Variants in DACH1 observed in about 807,000 individuals in gnomAD.
The protein encoded by DACH1 is dachshund homolog 1.
In DACH1, 12 loss-of-function variants were observed where a neutral mutation model predicts 54.2. That is an observed-to-expected ratio of 0.22 (90% CI 0.14 to 0.36). The LOEUF is 0.36. Among genes scored for constraint, DACH1 ranks in the 10% least tolerant of loss-of-function variants. The pLI is 1.00. For missense variants in DACH1, 805 were observed against 929.8 expected, an observed-to-expected ratio of 0.87 and a Z score of 1.75; for synonymous variants, 386 against 366.2, an observed-to-expected ratio of 1.05 and a Z score of -0.62.
At chr13:71,838,648 T>G in intron 1 of DACH1, among the ~76,000 whole-genome samples, 1 of 152,154 alleles carries the variant, frequency 6.6e-6, no homozygotes, top group East Asian at 1.9e-4. Context: ...TTTGAAGCAA[T>G]TTTAGTTTGT....
intron 6 of DACH1, among the ~76,000 whole-genome samples, chr13:71,525,656 A>T (rs1254195621): frequency 1.3e-5 from 2 of 152,090 alleles, no homozygotes; most frequent in African/African-American, 4.8e-5. Flanking sequence ...TTCTTTAAGT[A>T]TTTGTCAGGC....
intron 1 of DACH1, among the ~76,000 whole-genome samples, chr13:71,787,392 C>T (rs899920414): frequency 1.3e-5 from 2 of 152,154 alleles, no homozygotes; most frequent in Admixed American, 1.3e-4. Context: ...GGTAATCTTA[C>T]TTTATTAGAG....
chr13:71,634,756 A>G (rs1021291567), intron 2 of DACH1, among the ~76,000 whole-genome samples: 2 of 152,118 alleles, frequency 1.3e-5, no homozygotes, highest in African/African-American at 2.4e-5. Flanking sequence ...TGCCATCCCT[A>G]GCTGTGCATC....
chr13:71,479,320 T>C lies in DACH1; in HGVS notation c.1723-4A>G. 2 of 1,603,160 alleles carry C rather than the reference T, an allele frequency of 1.2e-6. No homozygotes were observed. On this transcript the variant is annotated splice_region_variant and splice_polypyrimidine_tract_variant and intron_variant, in intron 7 of 10. Transcript: ENST00000613252. ...CTATGGCAACTTTCAACAGCCCCTG[T>C]ACAAAGAAGATATTCGGAATGGTAA...
chr13:71,795,507 C>A (rs61956371), intron 1 of DACH1, among the ~76,000 whole-genome samples: 23,501 of 152,114 alleles, frequency 0.15, 3,621 homozygotes, highest in East Asian at 0.84. Flanking sequence ...AATCCCACAG[C>A]ATTCTCATTT....
intron 1 of DACH1, among the ~76,000 whole-genome samples, chr13:71,730,541 C>T (rs1265774994): frequency 2.6e-5 from 4 of 152,092 alleles, no homozygotes. Context: ...ATAATGTTGT[C>T]TAATTTTAAT....
At chr13:71,857,451 G>T (rs1874074100) in intron 1 of DACH1, among the ~76,000 whole-genome samples, 1 of 151,148 alleles carries the variant, frequency 6.6e-6, no homozygotes, top group African/African-American at 2.4e-5. Context: ...AGGTGTATAT[G>T]TTATGTTTGC....
chr13:71,633,735 T>C (rs1877274439), intron 2 of DACH1, among the ~76,000 whole-genome samples: 1 of 152,162 alleles, frequency 6.6e-6, no homozygotes, highest in South Asian at 2.1e-4. Flanking sequence ...TTGCTGATTT[T>C]AGTTTCACTA....
intron 6 of DACH1, among the ~76,000 whole-genome samples, chr13:71,554,553 T>C (rs1176057594): frequency 6.6e-6 from 1 of 152,130 alleles, no homozygotes; most frequent in Non-Finnish European, 1.5e-5. Context: ...ATGTGCTTTA[T>C]GAAGGTCAGA....
intron 1 of DACH1, among the ~76,000 whole-genome samples, chr13:71,825,906 C>A (rs563355287): frequency 2.5e-4 from 38 of 152,060 alleles, no homozygotes; most frequent in African/African-American, 8.9e-4. Context: ...TGGGAAGGAG[C>A]CAATACATGG....
intron 3 of DACH1, among the ~76,000 whole-genome samples, chr13:71,611,273 A>G (rs1293749119): frequency 6.6e-6 from 1 of 152,184 alleles, no homozygotes; most frequent in Non-Finnish European, 1.5e-5. Context: ...TTATAATTTT[A>G]GATTTTAAAA....
At chr13:71,699,098 G>A (rs1159399506) in intron 1 of DACH1, among the ~76,000 whole-genome samples, 3 of 152,192 alleles carry the variant, frequency 2.0e-5, no homozygotes, top group Admixed American at 2.0e-4. Context: ...GATTGTAACG[G>A]TAGATTTTAT....
At chr13:71,828,775 T>C (rs1159702933) in intron 1 of DACH1, among the ~76,000 whole-genome samples, 1 of 151,974 alleles carries the variant, frequency 6.6e-6, no homozygotes, top group African/African-American at 2.4e-5. Context: ...TAACCCACTC[T>C]TCCTCACTTC....
At chr13:71,447,366 C>T (rs1044661941) in intron 10 of DACH1, among the ~76,000 whole-genome samples, 6 of 152,034 alleles carry the variant, frequency 3.9e-5, no homozygotes, top group African/African-American at 1.4e-4. Flanking sequence ...GTTTTGTATT[C>T]ATGGATTAAG....
intron 10 of DACH1, among the ~76,000 whole-genome samples, chr13:71,449,069 G>A (rs1236817736): frequency 6.6e-6 from 1 of 152,154 alleles, no homozygotes; most frequent in Non-Finnish European, 1.5e-5. Context: ...GCTGGGCATG[G>A]TGGCTCATGC....
chr13:71,507,779 A>T lies in DACH1; in HGVS notation c.1571-18631T>A, dbSNP rs550741901. ...TTTTAATATATGGAGATAATACATA[A>T]CTTTTGGAAATGTATATAATTTATT... On this transcript the variant is annotated intron_variant, in intron 6 of 10. Coordinates refer to ENST00000613252, the MANE Select transcript of DACH1 (RefSeq NM_080759.6). Among the ~76,000 whole-genome samples the T allele has an allele frequency of 2.0e-5, 3 of 152,304 alleles. No homozygotes were observed. In the South Asian group the frequency reaches 6.2e-4, roughly 32 times the overall value.
At chr13:71,525,926 G>A (rs1337643857) in intron 6 of DACH1, among the ~76,000 whole-genome samples, 1 of 152,070 alleles carries the variant, frequency 6.6e-6, no homozygotes, top group African/African-American at 2.4e-5. Flanking sequence ...TGATATACAA[G>A]TTTGAAGAAC....
intron 1 of DACH1, among the ~76,000 whole-genome samples, chr13:71,730,916 CT>C (rs1469678529): frequency 6.6e-6 from 1 of 151,718 alleles, no homozygotes; most frequent in Non-Finnish European, 1.5e-5. Flanking sequence ...TAGTTGTGTC[CT>C]TTTGAGACTC....
chr13:71,654,918 T>G (rs1878989089), intron 2 of DACH1, among the ~76,000 whole-genome samples: 1 of 152,238 alleles, frequency 6.6e-6, no homozygotes, highest in Non-Finnish European at 1.5e-5. Context: ...TGGAGGTTTA[T>G]CTTTCATTAA....
Sources: allele counts gnomAD v4.1 joint callset (sites outside exome capture counted in the v4.1 genomes callset), GRCh38; gene constraint gnomAD v4.1.1; transcripts MANE v1.5; gene names NCBI Gene and HGNC (gene_info 2026-07-23, HGNC 2026-07-21).